ADCY7: variants seen among roughly 807,000 people sequenced by gnomAD.
ADCY7 encodes the protein adenylate cyclase 7, also known as adenylate cyclase type 7.
ADCY7 carries 72 observed loss-of-function variants against 120.6 expected under a neutral mutation model. That is an observed-to-expected ratio of 0.60 (90% CI 0.49 to 0.73). The LOEUF (loss-of-function observed/expected upper bound fraction) is 0.73. Ranked by LOEUF, ADCY7 falls within the 30% of genes least tolerant of loss-of-function variation. The probability of loss-of-function intolerance (pLI) is 0.00; values close to 1 mark genes in which losing one functional copy is unlikely to be tolerated. For missense variants in ADCY7, 1,227 were observed against 1,486.0 expected (o/e 0.83, Z 2.87); for synonymous variants, 661 against 628.0 (o/e 1.05, Z -0.78).
intron 10 of ADCY7, 31 bp downstream of exon 10, chr16:50,301,245 G>T: frequency 6.4e-7 from 1 of 1,553,612 alleles, no homozygotes; most frequent in Non-Finnish European, 8.7e-7. Flanking sequence ...CAGCTGGGGG[G>T]GACCCGGAGG....
chr16:50,269,766 C>T (rs546942316), intron 1 of ADCY7, among the ~76,000 whole-genome samples: 10 of 152,288 alleles, frequency 6.6e-5, no homozygotes, highest in African/African-American at 9.6e-5. Flanking sequence ...GAGAGAGCAG[C>T]GCTTAACTCC....
In ADCY7 at chr16:50,258,337, T is replaced by G. The variant is rs904634059; in HGVS notation, c.-64+12134T>G. The stretch of plus-strand genomic sequence containing the variant: ...CTGTAGGACTGGTACTCATTCTCTC[T>G]GTCTTCCATGTGGTGTTTTTGTTGA... On this transcript the variant is annotated intron_variant, in intron 1 of 4. Transcript: ENST00000564044. Among the ~76,000 whole-genome samples, 3 of 152,316 alleles carry G rather than the reference T, an allele frequency of 2.0e-5. No individual in the cohort carries two copies. In the South Asian group the frequency reaches 6.2e-4, roughly 32 times the overall value.
At chr16:50,313,145 G>C (rs1426239643) in intron 22 of ADCY7, 109 bp downstream of exon 22, 1 of 1,446,722 alleles carries the variant, frequency 6.9e-7, no homozygotes, top group Non-Finnish European at 9.3e-7. Flanking sequence ...ACACAGAGCT[G>C]GGCAAGGTGG....
rs564158113 is a variant in ADCY7 at position 50,312,872 on chromosome 16, C to A, written c.2605-18C>A. ...TCAAGAGGTGAAGTGGTGTAAGGTC[C>A]GGTTTCTTCCCATCCAGGACTGGTA... On this transcript the variant is annotated intron_variant, in intron 21 of 25. Coordinates refer to ENST00000673801, the MANE Select transcript of ADCY7 (RefSeq NM_001114.5). The A allele has an allele frequency of 1.2e-6, 2 of 1,611,272 alleles. No homozygotes were observed. The highest frequency in any genetic ancestry group is 2.2e-5 in the South Asian group (2 of 91,018).
chr16:50,306,259 G>A (rs1390833821), intron 14 of ADCY7, among the ~76,000 whole-genome samples: 1 of 152,106 alleles, frequency 6.6e-6, no homozygotes, highest in African/African-American at 2.4e-5. Context: ...TTTCTTTACT[G>A]AGCGCCTTCT....
rs201010834 is a variant in ADCY7, at chr16:50,291,800, C to T, written c.440C>T (p.Ala147Val). The T allele has an allele frequency of 1.4e-5, 23 of 1,614,018 alleles. No individual in the cohort carries two copies. In the Admixed American group the frequency reaches 3.8e-4, roughly 27 times the overall value. ...CTACTGCCCTTCAGCATGCGGGGCG[C>T]TGTCGCCGTTGGGGCCGTCTCCACT... Reference protein sequence around the residue: ...YTLLPFSMRGAVAVGAVSTAS... With the variant: ...YTLLPFSMRGVVAVGAVSTAS... The change falls in exon 4 of 26, where the codon GCT becomes GTT. Residue 147 changes from alanine to valine, a missense_variant. By Grantham distance (64) the Ala-to-Val change is moderately conservative (BLOSUM62 0). This residue lies in a region of ADCY7 where 382 missense variants were observed against 411.4 expected (regional missense o/e 0.93). Coordinates refer to ENST00000673801, the MANE Select transcript of ADCY7 (RefSeq NM_001114.5).
intron 1 of ADCY7, among the ~76,000 whole-genome samples, chr16:50,284,443 C>A (rs981687489): frequency 2.0e-5 from 3 of 152,266 alleles, no homozygotes; most frequent in Middle Eastern, 3.2e-3. Flanking sequence ...GTGGCCCAGC[C>A]TGGCTTTGTG....
At chr16:50,270,479 T>G (rs547937672) in intron 1 of ADCY7, among the ~76,000 whole-genome samples, 1 of 152,176 alleles carries the variant, frequency 6.6e-6, no homozygotes, top group Non-Finnish European at 1.5e-5. Flanking sequence ...GAAATGGGGT[T>G]GGTAAAGGTA....
chr16:50,285,139 C>A (rs1423950053), intron 1 of ADCY7, among the ~76,000 whole-genome samples: 1 of 152,234 alleles, frequency 6.6e-6, no homozygotes, highest in Non-Finnish European at 1.5e-5. Context: ...TTGAAATCAG[C>A]TGCCAACATT....
Position 50,304,651 on chromosome 16 carries a change from C to G in ADCY7, c.1560+100C>G, listed in dbSNP as rs572360672. The stretch of plus-strand genomic sequence containing the variant: ...CTCCTGCCCTCTCAGCCTCACTGTC[C>G]CCATCTGTAAAATGGCCACAGCCTC... On this transcript the variant is annotated intron_variant, in intron 11 of 25. Coordinates refer to ENST00000673801, the MANE Select transcript of ADCY7 (RefSeq NM_001114.5). 4.7e-6 allele frequency: 6 copies of G among 1,280,102 alleles called. No individual in the cohort carries two copies. In the African/African-American group the frequency reaches 6.0e-5, roughly 13 times the overall value. 79.3% of individuals were successfully genotyped at this position (1,280,102 alleles called of 1,614,324 possible). A position where few individuals can be genotyped will look rare whatever the true frequency, so the allele number is the denominator to read the frequency against.
Position 50,293,371 on chromosome 16 carries a change from A to G in ADCY7, c.705A>G (p.Ser235=), listed in dbSNP as rs1183428802. 1 of 1,613,348 alleles carries G rather than the reference A, an allele frequency of 6.2e-7. No individual in the cohort carries two copies. Among genetic ancestry groups the G allele is most frequent in the South Asian group, 1.1e-5 (1 of 91,076 alleles). ...ACACCCAGGAGAACCTGCTGCTGTC[A>G]GTGCTTCCGGCCCACATCTCCATGG... is the stretch of plus-strand genomic sequence containing the variant. ...EKRQQENLLL[S]VLPAHISMGM... is the part of the protein sequence containing the mutation. Residue 235 remains serine, a synonymous_variant, in exon 6 of 26, where the codon TCA becomes TCG. Transcript: ENST00000673801.
chr16:50,310,725 C>T lies in ADCY7; in HGVS notation c.2199C>T (p.Cys733=). 1 of 1,614,138 alleles carries T rather than the reference C, an allele frequency of 6.2e-7. No homozygotes were observed. Among genetic ancestry groups the T allele is most frequent in the Non-Finnish European group, 8.5e-7 (1 of 1,180,008 alleles). The change falls in exon 19 of 26, where the codon TGC becomes TGT. Residue 733 remains cysteine, a synonymous_variant. Transcript: ENST00000673801. ...GCTGTGTCCTGGGCTTCATCGCCTG[C>T]TCGGTCTTCCTGAGGATGAGCCTGG... The part of the protein sequence containing the change: ...TCSCVLGFIA[C]SVFLRMSLEP...
intron 6 of ADCY7, 152 bp downstream of exon 6, chr16:50,293,654 C>G: frequency 1.0e-6 from 1 of 960,336 alleles, no homozygotes. Context: ...CAATCTGGGG[C>G]CCTCCCTGGG....
At position 50,298,812 on chromosome 16, in the gene ADCY7, C is replaced by T. The variant is rs899046223; in HGVS notation, c.949-92C>T. The T allele has an allele frequency of 4.5e-5, 68 of 1,515,432 alleles. No individual in the cohort carries two copies. The African/African-American group carries it at 6.5e-4, about 14-fold the overall frequency. 93.9% of individuals were successfully genotyped at this position (1,515,432 alleles called of 1,614,324 possible). ...GGCAAGCCCCCAGCCAGGAGAGAGC[C>T]GGGTGCACCCTGGAGGGTGGGGGGA... On this transcript the variant is annotated intron_variant, in intron 7 of 25. Transcript: ENST00000673801.
intron 1 of ADCY7, among the ~76,000 whole-genome samples, chr16:50,273,400 G>A (rs982314549): frequency 6.6e-6 from 1 of 152,040 alleles, no homozygotes; most frequent in Non-Finnish European, 1.5e-5. Flanking sequence ...TCCTCACTTG[G>A]CTCATTTATG....
chr16:50,309,755 A>T (rs1018804894), intron 18 of ADCY7, 109 bp downstream of exon 18: 24 of 965,764 alleles, frequency 2.5e-5, no homozygotes, highest in Non-Finnish European at 3.6e-5. Flanking sequence ...AGAGCACAGC[A>T]TGTGGAGGCT....
chr16:50,314,565 C>T, intron 24 of ADCY7, 159 bp downstream of exon 24: 1 of 603,400 alleles, frequency 1.7e-6, no homozygotes, highest in Non-Finnish European at 2.9e-6. Flanking sequence ...TGATGTTTTG[C>T]ATATAGTTAG....
At chr16:50,306,322 G>C (rs1222858506) in intron 14 of ADCY7, among the ~76,000 whole-genome samples, 1 of 152,112 alleles carries the variant, frequency 6.6e-6, no homozygotes, top group Non-Finnish European at 1.5e-5. Flanking sequence ...CCGTCACAAC[G>C]GCCAGCCCAG....
In ADCY7 at chr16:50,292,834, C is replaced by T. The variant is rs78571296; in HGVS notation, c.687+9C>T. The T allele has an allele frequency of 3.9e-4, 621 of 1,612,246 alleles. 4 individuals carry two copies. In the African/African-American group the frequency reaches 6.8e-3, roughly 18 times the overall value. On this transcript the variant is annotated intron_variant, in intron 5 of 25. Coordinates refer to ENST00000673801, the MANE Select transcript of ADCY7 (RefSeq NM_001114.5). ...TCGAGAAGCGCCAGCAGGTGGGACCCGGCCCCCACTCCTCACCCTGTACAC... is the reference window on the plus strand; with the variant it reads ...TCGAGAAGCGCCAGCAGGTGGGACCTGGCCCCCACTCCTCACCCTGTACAC...
Sources: gnomAD v4.1 joint callset for allele counts (sites outside exome capture counted in the v4.1 genomes callset) on GRCh38, gnomAD v4.1.1 for gene constraint, gnomAD v4.1.1 regional missense constraint, MANE v1.5 for transcripts, NCBI Gene and HGNC (gene_info 2026-07-23, HGNC 2026-07-21) for gene names.